MYO1D: variants seen among roughly 807,000 people sequenced by gnomAD.
MYO1D encodes unconventional myosin-Id.
A neutral mutation model predicts 122.0 loss-of-function variants in MYO1D; 83 were observed. That is an observed-to-expected ratio of 0.68 (90% CI 0.57 to 0.82). MYO1D has a LOEUF of 0.82. MYO1D is among the 40% of genes least tolerant of loss of function. The pLI is 0.00. For synonymous variants in MYO1D, 464 were observed against 446.9 expected (o/e 1.04, Z -0.48); for missense variants, 1,157 against 1,269.5 (o/e 0.91, Z 1.35).
intron 1 of MYO1D, among the ~76,000 whole-genome samples, chr17:32,793,177 G>C (rs2090373930): frequency 6.6e-6 from 1 of 151,700 alleles, no homozygotes; most frequent in Non-Finnish European, 1.5e-5. Context: ...TCAAGCTCTT[G>C]ACATAGTACT....
chr17:32,751,349 T>C (rs962531934), intron 11 of MYO1D, among the ~76,000 whole-genome samples: 1 of 152,256 alleles, frequency 6.6e-6, no homozygotes, highest in South Asian at 2.1e-4. Flanking sequence ...TTCACAGTGA[T>C]TAAAATATTT....
chr17:32,723,122 C>A (rs1459850182), intron 14 of MYO1D, among the ~76,000 whole-genome samples: 1 of 152,122 alleles, frequency 6.6e-6, no homozygotes, highest in South Asian at 2.1e-4. Context: ...GGGTGGTGCA[C>A]CCTGATTCCA....
rs962231858 is a variant in MYO1D at position 32,876,721 on chromosome 17, G to A, written c.95+57C>T. ...CCCGGATCCGGCCGCGCCCCGAGGC[G>A]CCCCCTCTCGGGAAAGCGCAGCCTC... On this transcript the variant is annotated intron_variant, in intron 1 of 21. Coordinates refer to ENST00000318217, the MANE Select transcript of MYO1D (RefSeq NM_015194.3). The A allele has an allele frequency of 3.4e-5, 47 of 1,394,046 alleles. No homozygotes were observed. In the African/African-American group the frequency reaches 4.6e-4, roughly 14 times the overall value. The allele number at this position is 1,394,046 out of a possible 1,614,324, so 86.4% of individuals were successfully genotyped here. A position where few individuals can be genotyped will look rare whatever the true frequency, so the allele number is the denominator to read the frequency against.
intron 19 of MYO1D, among the ~76,000 whole-genome samples, chr17:32,648,701 G>T (rs2088336648): frequency 6.6e-6 from 1 of 152,208 alleles, no homozygotes. Context: ...AGCTTTGGGG[G>T]TGGTGCACAC....
chr17:32,552,982 A>G (rs1004489570), intron 21 of MYO1D, among the ~76,000 whole-genome samples: 9 of 151,504 alleles, frequency 5.9e-5, no homozygotes, highest in Non-Finnish European at 1.3e-4. Flanking sequence ...CACGCCCATA[A>G]TCCCAGCACT....
chr17:32,613,135 A>C (rs1056615850), intron 20 of MYO1D, among the ~76,000 whole-genome samples: 3 of 149,968 alleles, frequency 2.0e-5, no homozygotes, highest in Admixed American at 6.7e-5. Flanking sequence ...AAAACAATTA[A>C]TTTCTATTTA....
At chr17:32,593,797 C>T (rs1378152297) in intron 21 of MYO1D, among the ~76,000 whole-genome samples, 2 of 152,080 alleles carry the variant, frequency 1.3e-5, no homozygotes, top group Non-Finnish European at 2.9e-5. Context: ...ATTAGCCGGG[C>T]GTGGTGGAGC....
At chr17:32,581,068 C>T (rs1288694489) in intron 21 of MYO1D, among the ~76,000 whole-genome samples, 1 of 152,170 alleles carries the variant, frequency 6.6e-6, no homozygotes, top group Non-Finnish European at 1.5e-5. Context: ...GTAAAGGCAT[C>T]TAGATCTGGA....
intron 14 of MYO1D, among the ~76,000 whole-genome samples, chr17:32,731,857 C>A (rs1401719188): frequency 6.6e-6 from 1 of 152,208 alleles, no homozygotes; most frequent in Non-Finnish European, 1.5e-5. Context: ...GAAGCCATAA[C>A]CACCCAGCCA....
At chr17:32,651,520 A>G (rs1430884990) in intron 19 of MYO1D, among the ~76,000 whole-genome samples, 1 of 152,136 alleles carries the variant, frequency 6.6e-6, no homozygotes, top group Admixed American at 6.5e-5. Flanking sequence ...AAAGTCTCTC[A>G]AGACAGAAAA....
chr17:32,794,510 TTCAA>T (rs1299809027), intron 1 of MYO1D, among the ~76,000 whole-genome samples: 2 of 152,106 alleles, frequency 1.3e-5, no homozygotes, highest in East Asian at 1.9e-4. Flanking sequence ...CAGTTGTTTA[TTCAA>T]TCAATCATTA....
chr17:32,753,606 A>G (rs1164287791), intron 11 of MYO1D, among the ~76,000 whole-genome samples: 5 of 152,234 alleles, frequency 3.3e-5, no homozygotes, highest in African/African-American at 9.6e-5. Context: ...AGTTACTCTT[A>G]CAAATGACAT....
At chr17:32,866,841 G>T (rs1011869565) in intron 1 of MYO1D, among the ~76,000 whole-genome samples, 1 of 152,196 alleles carries the variant, frequency 6.6e-6, no homozygotes, top group African/African-American at 2.4e-5. Flanking sequence ...CAGGGCAGGG[G>T]GAGGAAGGAC....
chr17:32,730,539 T>G (rs1421633133), intron 14 of MYO1D, among the ~76,000 whole-genome samples: 3 of 152,206 alleles, frequency 2.0e-5, no homozygotes, highest in Non-Finnish European at 2.9e-5. Flanking sequence ...TTGGTTTTTG[T>G]TTTTCAGAAA....
chr17:32,521,541 G>A (rs567882457), intron 21 of MYO1D, among the ~76,000 whole-genome samples: 3 of 152,342 alleles, frequency 2.0e-5, no homozygotes, highest in Admixed American at 6.5e-5. Flanking sequence ...ATAGATGCTA[G>A]TGAAATTCAT....
At chr17:32,659,414 C>A (rs76649008) in intron 16 of MYO1D, 76 bp from the exon 17 acceptor site, 75,454 of 1,439,216 alleles carry the variant, frequency 0.052, 2,689 homozygotes, top group East Asian at 0.17. Flanking sequence ...TATAGCAGCT[C>A]CTCTACTTAC....
At chr17:32,639,941 G>A (rs1297271750) in intron 19 of MYO1D, among the ~76,000 whole-genome samples, 1 of 152,046 alleles carries the variant, frequency 6.6e-6, no homozygotes, top group East Asian at 1.9e-4. Context: ...GGTTAGCTTC[G>A]GTAGGCTATT....
intron 14 of MYO1D, among the ~76,000 whole-genome samples, chr17:32,731,911 A>T (rs1002750096): frequency 6.6e-6 from 1 of 152,202 alleles, no homozygotes; most frequent in Non-Finnish European, 1.5e-5. Context: ...GGACATGGGA[A>T]GCTCCCCTGC....
At chr17:32,522,204 TTAAC>T (rs1448238423) in intron 21 of MYO1D, among the ~76,000 whole-genome samples, 1 of 150,978 alleles carries the variant, frequency 6.6e-6, no homozygotes, top group African/African-American at 2.4e-5. Context: ...AAGCAAAACA[TTAAC>T]TAAAAATGAT....
Sources: allele counts gnomAD v4.1 joint callset (sites outside exome capture counted in the v4.1 genomes callset), GRCh38; gene constraint gnomAD v4.1.1; transcripts MANE v1.5; gene names NCBI Gene and HGNC (gene_info 2026-07-23, HGNC 2026-07-21).